Variants in ANXA3 observed in about 807,000 individuals in gnomAD.
ANXA3 encodes the protein annexin A3.
In ANXA3, 46 loss-of-function variants were observed where a neutral mutation model predicts 48.8. That is an observed-to-expected ratio of 0.94 (90% confidence interval 0.74 to 1.21). ANXA3 has a LOEUF of 1.21. Among genes scored for constraint, ANXA3 ranks in the 50% most tolerant of loss-of-function variants. The pLI, the probability that ANXA3 is intolerant of heterozygous loss-of-function variation, is 0.00. For synonymous variants in ANXA3, 128 were observed against 134.7 expected (o/e 0.95, Z 0.35); for missense variants, 383 against 378.6 (o/e 1.01, Z -0.10).
chr4:78,581,607 G>A (rs1242054194), intron 4 of ANXA3, among the ~76,000 whole-genome samples: 1 of 152,158 alleles, frequency 6.6e-6, no homozygotes, highest in Non-Finnish European at 1.5e-5. Flanking sequence ...TTATGAATAA[G>A]TACAATTATT....
At chr4:78,585,973 G>A (rs563103207) in intron 5 of ANXA3, among the ~76,000 whole-genome samples, 1 of 152,276 alleles carries the variant, frequency 6.6e-6, no homozygotes, top group East Asian at 1.9e-4. Flanking sequence ...CTGTTAGACT[G>A]TCACTTCTAA....
At chr4:78,575,367 T>A (rs1443327612) in intron 3 of ANXA3, among the ~76,000 whole-genome samples, 1 of 152,180 alleles carries the variant, frequency 6.6e-6, no homozygotes, top group East Asian at 1.9e-4. Context: ...AATCTCATCT[T>A]GTAGCTTCCA....
chr4:78,584,875 G>C (rs1248367812), intron 5 of ANXA3, among the ~76,000 whole-genome samples: 3 of 152,236 alleles, frequency 2.0e-5, no homozygotes, highest in Non-Finnish European at 4.4e-5. Context: ...CCTATGAGAG[G>C]AGAGAGGAGA....
intron 6 of ANXA3, among the ~76,000 whole-genome samples, chr4:78,587,227 A>G (rs550488677): frequency 6.0e-4 from 92 of 152,220 alleles, no homozygotes; most frequent in Admixed American, 1.7e-3. Context: ...TCGTTATATA[A>G]GCATGATTGG....
intron 3 of ANXA3, among the ~76,000 whole-genome samples, chr4:78,578,814 A>G (rs1723013945): frequency 1.4e-5 from 2 of 146,482 alleles, no homozygotes. Context: ...AAACTATCCA[A>G]ATAAAGTTAA....
chr4:78,603,733 C>G (rs908264389), intron 11 of ANXA3: 7 of 152,244 alleles, frequency 4.6e-5, no homozygotes, highest in Admixed American at 3.9e-4. Context: ...AAGGTCTGGC[C>G]TTTCCAGACA....
rs1276267855 is a variant in ANXA3 at position 78,595,433 on chromosome 4, C to A, written c.536C>A (p.Ala179Asp). Residue 179 changes from alanine (A) to aspartate (D), a missense_variant, in exon 8 of 13, where the codon GCC becomes GAC. Transcript: ENST00000264908. The stretch of plus-strand genomic sequence containing the variant: ...GATGAGCATCTGGCCAAACAAGATG[C>A]CCAGGTCAGTAACAAAGCGGGAAAA... The part of the protein sequence containing the change: ...KVDEHLAKQD[A>D]QILYKAGENR... The A allele has an allele frequency of 6.2e-7, 1 of 1,613,006 alleles. No homozygotes were observed. The highest frequency in any genetic ancestry group is 8.5e-7 in the Non-Finnish European group (1 of 1,179,732).
chr4:78,555,687 A>T (rs59453285), intron 2 of ANXA3, among the ~76,000 whole-genome samples: 4 of 151,616 alleles, frequency 2.6e-5, no homozygotes, highest in African/African-American at 9.7e-5. Flanking sequence ...AAAAAAAAAA[A>T]AAAAACTTTA....
At chr4:78,589,483 C>T (rs1414418852) in intron 6 of ANXA3, among the ~76,000 whole-genome samples, 1 of 152,192 alleles carries the variant, frequency 6.6e-6, no homozygotes, top group East Asian at 1.9e-4. Flanking sequence ...CTCTCGGCAG[C>T]AGGCATCCAT....
chr4:78,559,328 C>G (rs1282196582), intron 2 of ANXA3, among the ~76,000 whole-genome samples: 1 of 152,158 alleles, frequency 6.6e-6, no homozygotes, highest in Non-Finnish European at 1.5e-5. Context: ...GCTGATCCAC[C>G]CACATTGGCC....
intron 2 of ANXA3, among the ~76,000 whole-genome samples, chr4:78,568,519 C>CAGAGT (rs1227766980): frequency 6.6e-6 from 1 of 152,112 alleles, no homozygotes; most frequent in African/African-American, 2.4e-5. Context: ...CTGGCTTCAC[C>CAGAGT]GCATCTTCAA....
At chr4:78,564,586 G>T (rs1385383513) in intron 2 of ANXA3, among the ~76,000 whole-genome samples, 1 of 152,222 alleles carries the variant, frequency 6.6e-6, no homozygotes, top group Non-Finnish European at 1.5e-5. Flanking sequence ...TTTAGAGGGG[G>T]TGGAGAGACA....
chr4:78,588,875 CAA>C (rs1723231357), intron 6 of ANXA3, among the ~76,000 whole-genome samples: 1 of 152,166 alleles, frequency 6.6e-6, no homozygotes, highest in African/African-American at 2.4e-5. Flanking sequence ...CATTAATGCA[CAA>C]AAGAGTATGT....
chr4:78,587,243 C>T (rs1723197748), intron 6 of ANXA3, among the ~76,000 whole-genome samples: 2 of 152,146 alleles, frequency 1.3e-5, no homozygotes, highest in African/African-American at 4.8e-5. Flanking sequence ...ATTGGTTGAA[C>T]CATTGTTCAT....
At chr4:78,604,234 G>A in intron 11 of ANXA3, 43 bp from the exon 12 acceptor site, 1 of 1,551,218 alleles carries the variant, frequency 6.4e-7, no homozygotes, top group South Asian at 1.2e-5. Context: ...GTTGCTTTGT[G>A]ACCAATGACA....
At chr4:78,575,264 T>A (rs979411255) in intron 3 of ANXA3, among the ~76,000 whole-genome samples, 1 of 152,128 alleles carries the variant, frequency 6.6e-6, no homozygotes, top group Non-Finnish European at 1.5e-5. Flanking sequence ...ACAGACTTTT[T>A]AAAAAATATT....
chr4:78,581,753 C>T (rs1157716980), intron 4 of ANXA3, among the ~76,000 whole-genome samples: 2 of 152,220 alleles, frequency 1.3e-5, no homozygotes, highest in Non-Finnish European at 2.9e-5. Context: ...ACTGTCCTCC[C>T]TTCCCCTTCC....
intron 12 of ANXA3, 88 bp from the exon 13 acceptor site, chr4:78,609,968 G>A (rs1723723870): frequency 2.1e-6 from 2 of 940,152 alleles, no homozygotes; most frequent in Non-Finnish European, 3.3e-6. Flanking sequence ...ACACCCAGGT[G>A]AATTCCCTAG....
At chr4:78,574,713 T>C (rs1451092205) in intron 3 of ANXA3, among the ~76,000 whole-genome samples, 1 of 152,250 alleles carries the variant, frequency 6.6e-6, no homozygotes. Context: ...TAATTTTAAC[T>C]GCATGGTAGT....
Sources: allele counts gnomAD v4.1 joint callset (sites outside exome capture counted in the v4.1 genomes callset), GRCh38; gene constraint gnomAD v4.1.1; transcripts MANE v1.5; gene names NCBI Gene and HGNC (gene_info 2026-07-23, HGNC 2026-07-21).